The following PFKFB3 variants were observed in gnomAD, a reference collection of about 807,000 sequenced individuals.
PFKFB3 encodes 6-phosphofructo-2-kinase/fructose-2,6-bisphosphatase 3.
In PFKFB3, 33 loss-of-function variants were observed where a neutral mutation model predicts 68.0. The ratio of observed to expected loss-of-function variants is 0.49; its 90% CI spans 0.37 to 0.65. PFKFB3 has a LOEUF of 0.65. PFKFB3 is among the 30% of genes least tolerant of loss of function. The probability of loss-of-function intolerance (pLI) is 0.00; values close to 1 mark genes in which losing one functional copy is unlikely to be tolerated. For missense variants in PFKFB3, 586 were observed against 712.2 expected (o/e 0.82, Z 2.02); for synonymous variants, 315 against 288.2 (o/e 1.09, Z -0.94).
At chr10:6,254,068 G>A (rs1013668098) in intron 14 of PFKFB3, 11 of 393,432 alleles carry the variant, frequency 2.8e-5, no homozygotes, top group African/African-American at 1.9e-4. Context: ...GGAATGGAGG[G>A]TCTTTTTCAT....
chr10:6,258,111 T>C (rs1588574447), downstream of PFKFB3, among the ~76,000 whole-genome samples: 1 of 152,244 alleles, frequency 6.6e-6, no homozygotes, highest in Non-Finnish European at 1.5e-5. Context: ...TCAAAGTACA[T>C]CGACGGGAAT....
At chr10:6,259,566 CCACT>C (rs759147499), downstream of PFKFB3, among the ~76,000 whole-genome samples, 8 of 112,618 alleles carry the variant, frequency 7.1e-5, no homozygotes, top group East Asian at 4.0e-4. Context: ...ATCCATCCAT[CCACT>C]CATCCATCCA....
At chr10:6,309,003 C>T in the PFKFB3 span, among the ~76,000 whole-genome samples, 3 of 152,078 alleles carry the variant, frequency 2.0e-5, no homozygotes, top group African/African-American at 7.2e-5. Context: ...CTCTACAGGA[C>T]AAACAAACTG....
chr10:6,290,646 C>A, the PFKFB3 span, among the ~76,000 whole-genome samples: 1 of 151,840 alleles, frequency 6.6e-6, no homozygotes, highest in African/African-American at 2.4e-5. Context: ...TTACAGGCAC[C>A]CACCACCATG....
upstream of PFKFB3, among the ~76,000 whole-genome samples, chr10:6,200,045 CAACAAA>C (rs914740888): frequency 6.6e-6 from 1 of 151,110 alleles, no homozygotes; most frequent in Non-Finnish European, 1.5e-5. Context: ...CCAACAAAAC[CAACAAA>C]AACCCCAGCA....
the PFKFB3 span, among the ~76,000 whole-genome samples, chr10:6,306,695 C>T: frequency 3.9e-5 from 6 of 152,190 alleles, no homozygotes; most frequent in African/African-American, 1.4e-4. Context: ...AATAACTATT[C>T]ATCACGACTT....
Position 6,229,315 on chromosome 10 carries a change from G to A in PFKFB3, c.1515+2950G>A. 2.7e-6 allele frequency: 1 copy of A among 375,172 alleles called. No individual in the cohort carries two copies. Among genetic ancestry groups the A allele is most frequent in the South Asian group, 1.9e-5 (1 of 51,716 alleles). 23.2% of individuals were successfully genotyped at this position (375,172 alleles called of 1,614,324 possible). On this transcript the variant is annotated intron_variant, in intron 14 of 14. Transcript: ENST00000379775. This position sits in a 1 kb window ranked among gnomAD's most constrained non-coding sequence, Gnocchi z 4.3. ...AGTCAGTCCCCCGTTTAATGGTTGA[G>A]GGGCTGAGTGACCGGCCCGTGCTTC...
At chr10:6,261,336 C>T in the PFKFB3 span, among the ~76,000 whole-genome samples, 6 of 152,276 alleles carry the variant, frequency 3.9e-5, no homozygotes, top group Admixed American at 3.9e-4. Flanking sequence ...GCCTTTTAAT[C>T]CCTTAAACGC....
intron 1 of PFKFB3, among the ~76,000 whole-genome samples, chr10:6,179,329 T>TCTGCG (rs1410210492): frequency 2.6e-5 from 4 of 152,232 alleles, no homozygotes; most frequent in Admixed American, 6.5e-5. Context: ...CCCAAACTCA[T>TCTGCG]CTGCGCTGCG....
chr10:6,204,616 C>T (rs1843568475), intron 1 of PFKFB3, among the ~76,000 whole-genome samples: 1 of 152,232 alleles, frequency 6.6e-6, no homozygotes, highest in African/African-American at 2.4e-5. Flanking sequence ...CTTGTTCCCC[C>T]TCTTTGTGAG....
intron 1 of PFKFB3, among the ~76,000 whole-genome samples, chr10:6,211,661 C>T (rs1428857054): frequency 1.3e-5 from 2 of 152,164 alleles, no homozygotes; most frequent in African/African-American, 2.4e-5. Context: ...TTGTTTGTTC[C>T]ACTCATGTGC....
rs1843078551 is a variant in PFKFB3 at position 6,193,159 on chromosome 10, G to A, written c.17-20464G>A. The stretch of plus-strand genomic sequence containing the variant: ...CAGGAGTTTGAGACCAGCCTGGGCA[G>A]CATAATGAGACCCCCTGTCTCTACA... On this transcript the variant is annotated intron_variant, in intron 1 of 14. Coordinates refer to the PFKFB3 transcript ENST00000379789. Among the ~76,000 whole-genome samples the A allele has an allele frequency of 1.3e-5, 2 of 152,164 alleles. 1 individual carries two copies. Among genetic ancestry groups the A allele is most frequent in the Admixed American group, 1.3e-4 (2 of 15,274 alleles).
At chr10:6,165,792 G>A (rs1415640726) in intron 1 of PFKFB3, among the ~76,000 whole-genome samples, 15 of 151,834 alleles carry the variant, frequency 9.9e-5, no homozygotes, top group Non-Finnish European at 2.2e-4. Flanking sequence ...CTAGTACCCA[G>A]TATTTTATTT....
chr10:6,176,278 T>A (rs528536251), intron 1 of PFKFB3, among the ~76,000 whole-genome samples: 17 of 151,796 alleles, frequency 1.1e-4, no homozygotes, highest in African/African-American at 3.9e-4. Flanking sequence ...TGGGTTCCCT[T>A]GAGGTGGTGA....
chr10:6,297,239 C>T, the PFKFB3 span, among the ~76,000 whole-genome samples: 10 of 152,232 alleles, frequency 6.6e-5, no homozygotes, highest in Admixed American at 2.0e-4. Context: ...TGCTATGCAT[C>T]TGCCTTGATT....
chr10:6,179,776 A>G lies in PFKFB3; in HGVS notation c.17-33847A>G, dbSNP rs532868538. Among the ~76,000 whole-genome samples the G allele has an allele frequency of 1.2e-4, 18 of 152,278 alleles. 1 individual carries two copies. Among genetic ancestry groups the G allele is most frequent in the African/African-American group, 3.6e-4 (15 of 41,550 alleles). On this transcript the variant is annotated intron_variant, in intron 1 of 14. Coordinates refer to the PFKFB3 transcript ENST00000379789. ...CATGCAGACGCCAGGATTATAGGAC[A>G]TTCTGCCAGGCACAGAAACCACGAG...
intron 14 of PFKFB3, among the ~76,000 whole-genome samples, chr10:6,248,283 A>AT (rs562210461): frequency 1.0e-3 from 152 of 152,272 alleles, no homozygotes; most frequent in African/African-American, 3.3e-3. Flanking sequence ...GAAGTGTTAA[A>AT]TGTGTGGTTT....
At chr10:6,251,976 A>C (rs1309508036) in intron 14 of PFKFB3, among the ~76,000 whole-genome samples, 1 of 152,138 alleles carries the variant, frequency 6.6e-6, no homozygotes, top group Non-Finnish European at 1.5e-5. Context: ...TCAAAAAAAC[A>C]AATAAATAAA....
chr10:6,316,308 C>G, the PFKFB3 span, among the ~76,000 whole-genome samples: 3 of 152,182 alleles, frequency 2.0e-5, no homozygotes, highest in Admixed American at 6.5e-5. Context: ...GCACCTCGAC[C>G]AATGTCAGAG....
Sources: gnomAD v4.1 joint callset for allele counts (sites outside exome capture counted in the v4.1 genomes callset) on GRCh38, gnomAD v4.1.1 for gene constraint, Gnocchi (gnomAD v3.1) non-coding constraint, MANE v1.5 for transcripts, NCBI Gene and HGNC (gene_info 2026-07-23, HGNC 2026-07-21) for gene names.